The following FAM111B variants were observed in gnomAD, a reference collection of about 807,000 sequenced individuals.
The protein encoded by FAM111B is FAM111 trypsin like peptidase B.
Under a neutral mutation model 2.8 loss-of-function variants are expected in FAM111B, and 1 was observed. The ratio of observed to expected loss-of-function variants is 0.36; its 90% CI spans 0.13 to 1.70. The LOEUF is 1.70. FAM111B is among the 40% of genes most tolerant of loss of function. The pLI is 0.35. For missense variants in FAM111B, 882 were observed against 878.9 expected (o/e 1.00, Z -0.04); for synonymous variants, 297 against 295.6 (o/e 1.00, Z -0.05).
Position 59,125,673 on chromosome 11 carries a change from C to G in FAM111B, c.1576C>G (p.Pro526Ala), listed in dbSNP as rs1860014565. The G allele has an allele frequency of 6.2e-7, 1 of 1,613,874 alleles. No individual in the cohort carries two copies. Among genetic ancestry groups the G allele is most frequent in the Non-Finnish European group, 8.5e-7 (1 of 1,179,818 alleles). Residue 526 changes from proline to alanine, a missense_variant, in exon 4 of 4, where the codon CCT (proline) becomes GCT (alanine). Coordinates refer to ENST00000343597, the MANE Select transcript of FAM111B (RefSeq NM_198947.4). ...TFTYTEFCPT[P>A]DNWFSIEPWL... ...CACTTATACAGAGTTCTGCCCTACT[C>G]CTGACAATTGGTTTTCCATTGAGCC...
At chr11:59,115,330 A>G (rs1299601577) in intron 3 of FAM111B, among the ~76,000 whole-genome samples, 1 of 152,136 alleles carries the variant, frequency 6.6e-6, no homozygotes, top group African/African-American at 2.4e-5. Context: ...AGAACCCACT[A>G]CTCATATCCA....
intron 3 of FAM111B, among the ~76,000 whole-genome samples, chr11:59,111,007 T>G (rs1297319718): frequency 6.6e-6 from 1 of 152,212 alleles, no homozygotes; most frequent in Admixed American, 6.5e-5. Context: ...CATTCCAGAA[T>G]TCAGCTGAGC....
intron 3 of FAM111B, among the ~76,000 whole-genome samples, chr11:59,123,884 A>G (rs1859961341): frequency 6.6e-6 from 1 of 152,190 alleles, no homozygotes; most frequent in Non-Finnish European, 1.5e-5. Context: ...CATTTGTTAC[A>G]AAGATGATAT....
At position 59,109,685 on chromosome 11, in the gene FAM111B, G is replaced by A; in HGVS notation, c.60G>A (p.Arg20=). ...TTAGCGCTATGGAAGATGACCAGAG[G>A]ACTAGACCTGAAGTTTCAAAGGTAT... ...KSFSAMEDDQ[R]TRPEVSKDTV... is the part of the protein sequence containing the mutation. The change falls in exon 3 of 4, where the codon AGG becomes AGA. Residue 20 remains arginine (R), a synonymous_variant. Transcript: ENST00000343597. The A allele has an allele frequency of 1.2e-6, 2 of 1,611,652 alleles. No individual in the cohort carries two copies. The highest frequency in any genetic ancestry group is 1.1e-5 in the South Asian group (1 of 90,792).
chr11:59,114,055 A>G (rs1237077177), intron 3 of FAM111B, among the ~76,000 whole-genome samples: 2 of 152,234 alleles, frequency 1.3e-5, no homozygotes, highest in Non-Finnish European at 2.9e-5. Flanking sequence ...AAGAACATAC[A>G]AAGGTAACAG....
chr11:59,125,010 G>C lies in FAM111B; in HGVS notation c.913G>C (p.Val305Leu), dbSNP rs1335723786. The change falls in exon 4 of 4, where the codon GTC (valine) becomes CTC (leucine). Residue 305 changes from valine (V) to leucine (L), a missense_variant. By Grantham distance (32) the Val-to-Leu change is conservative (BLOSUM62 1). Transcript: ENST00000343597. ...GAGTCTGATACAGTCTAAGAAAAAA[G>C]TCCACAAACCAAAGAAAGATGGAGA... The part of the protein sequence containing the change: ...HQSLIQSKKK[V>L]HKPKKDGETK... 1.2e-6 allele frequency: 2 copies of C among 1,612,656 alleles called. No homozygotes were observed. Among genetic ancestry groups the C allele is most frequent in the South Asian group, 1.1e-5 (1 of 90,712 alleles).
Position 59,126,437 on chromosome 11 carries a change from A to ATTT in FAM111B, c.*135_*136insTTT. The ATTT allele has an allele frequency of 1.5e-6, 1 of 657,116 alleles. No individual in the cohort carries two copies. Among genetic ancestry groups the ATTT allele is most frequent in the Non-Finnish European group, 2.4e-6 (1 of 414,754 alleles). The allele number at this position is 657,116 out of a possible 1,614,324, so 40.7% of individuals were successfully genotyped here. On this transcript the variant is annotated 3_prime_UTR_variant, in exon 4 of 4. Transcript: ENST00000343597. ...AATTAAATCTTCTGCACAGCAAAAG[A>ATTT]AACTATCAACAGGGTAAACACACAA...
intron 3 of FAM111B, among the ~76,000 whole-genome samples, chr11:59,113,920 C>T (rs1323897148): frequency 6.6e-6 from 1 of 152,226 alleles, no homozygotes; most frequent in African/African-American, 2.4e-5. Flanking sequence ...TACTGACCAG[C>T]TTCTACTTTA....
intron 3 of FAM111B, among the ~76,000 whole-genome samples, chr11:59,119,583 G>A (rs747984893): frequency 2.0e-5 from 3 of 152,168 alleles, no homozygotes; most frequent in Non-Finnish European, 4.4e-5. Context: ...TTAATTAGTG[G>A]AAATAATGGG....
chr11:59,117,630 C>A (rs892803098), intron 3 of FAM111B, among the ~76,000 whole-genome samples: 1 of 152,274 alleles, frequency 6.6e-6, no homozygotes, highest in South Asian at 2.1e-4. Flanking sequence ...TGCTTCCTCC[C>A]TCTGGACCCT....
chr11:59,120,974 G>A (rs1335038400), intron 3 of FAM111B, among the ~76,000 whole-genome samples: 1 of 148,252 alleles, frequency 6.7e-6, no homozygotes, highest in Non-Finnish European at 1.5e-5. Flanking sequence ...TTATCCACAT[G>A]CAAAAAATAA....
At chr11:59,109,469 G>T (rs1859722861) in intron 2 of FAM111B, 71 bp from the exon 3 acceptor site, 1 of 527,050 alleles carries the variant, frequency 1.9e-6, no homozygotes. Flanking sequence ...CAGAGATGAG[G>T]TCCCACACCA....
chr11:59,113,902 G>A (rs537089118), intron 3 of FAM111B, among the ~76,000 whole-genome samples: 27 of 152,330 alleles, frequency 1.8e-4, no homozygotes, highest in Admixed American at 1.5e-3. Context: ...TGGCCCCTCG[G>A]CAAACTTTAC....
chr11:59,113,582 G>A (rs1363589396), intron 3 of FAM111B, among the ~76,000 whole-genome samples: 1 of 152,130 alleles, frequency 6.6e-6, no homozygotes, highest in African/African-American at 2.4e-5. Context: ...CCCCTTTGAC[G>A]AGAAACCCTT....
chr11:59,111,729 T>C (rs999579568), intron 3 of FAM111B, among the ~76,000 whole-genome samples: 3 of 152,166 alleles, frequency 2.0e-5, no homozygotes, highest in African/African-American at 4.8e-5. Context: ...AGACATTCTA[T>C]TGGGCAGTAC....
At position 59,124,668 on chromosome 11, in the gene FAM111B, A is replaced by G. The variant is rs780996601; in HGVS notation, c.571A>G (p.Ile191Val). The G allele has an allele frequency of 7.4e-6, 12 of 1,613,884 alleles. No individual in the cohort carries two copies. Among genetic ancestry groups the G allele is most frequent in the East Asian group, 4.5e-5 (2 of 44,866 alleles). Residue 191 changes from isoleucine (I) to valine (V), a missense_variant, in exon 4 of 4, where the codon ATA (isoleucine) becomes GTA (valine). Physicochemically the swap from Ile to Val is conservative, Grantham distance 29. Coordinates refer to ENST00000343597, the MANE Select transcript of FAM111B (RefSeq NM_198947.4). The part of the protein sequence containing the change: ...MECILFHVVA[I>V]GRTRKKIVKI... ...ATGCATTCTTTTTCATGTTGTTGCT[A>G]TAGGAAGGACAAGAAAGAAGATTGT... is the stretch of plus-strand genomic sequence containing the variant.
At chr11:59,116,857 T>A (rs1327118394) in intron 3 of FAM111B, among the ~76,000 whole-genome samples, 1 of 152,214 alleles carries the variant, frequency 6.6e-6, no homozygotes, top group Non-Finnish European at 1.5e-5. Context: ...AGACTGGGAC[T>A]GTCAGGCAGG....
At position 59,126,330 on chromosome 11, in the gene FAM111B, T is replaced by C. The variant is rs757598800; in HGVS notation, c.*28T>C. Reference sequence around the variant, plus strand: ...AAGAGATGCTGTCTTCAAGAAAATATGCCAATAATTCCTGGCAAAGATTTC... The same window carrying C: ...AAGAGATGCTGTCTTCAAGAAAATACGCCAATAATTCCTGGCAAAGATTTC... On this transcript the variant is annotated 3_prime_UTR_variant, in exon 4 of 4. Transcript: ENST00000343597. 3.4e-6 allele frequency: 5 copies of C among 1,470,110 alleles called. No individual in the cohort carries two copies. The highest frequency in any genetic ancestry group is 2.4e-5 in the Admixed American group (1 of 40,926). The allele number at this position is 1,470,110 out of a possible 1,614,324, so 91.1% of individuals were successfully genotyped here.
In FAM111B at chr11:59,124,453, A is replaced by G. The variant is rs778650838; in HGVS notation, c.356A>G (p.Glu119Gly). ...CTGAGTGCTAATGACTATTTCAGTG[A>G]AAGGATAAAGAATCAGTTTAATAAG... ...SALSANDYFS[E>G]RIKNQFNKNI... Residue 119 changes from glutamate to glycine, a missense_variant, in exon 4 of 4, where the codon GAA becomes GGA. Coordinates refer to ENST00000343597, the MANE Select transcript of FAM111B (RefSeq NM_198947.4). The G allele has an allele frequency of 1.7e-5, 27 of 1,613,542 alleles. No individual in the cohort carries two copies. The highest frequency in any genetic ancestry group is 2.2e-5 in the Non-Finnish European group (26 of 1,179,852).
Sources: gnomAD v4.1 joint callset for allele counts (sites outside exome capture counted in the v4.1 genomes callset) on GRCh38, gnomAD v4.1.1 for gene constraint, MANE v1.5 for transcripts, NCBI Gene and HGNC (gene_info 2026-07-23, HGNC 2026-07-21) for gene names.